The following CPEB4 variants were observed in gnomAD, a reference collection of about 807,000 sequenced individuals.
The protein encoded by CPEB4 is cytoplasmic polyadenylation element-binding protein 4.
In CPEB4, 12 loss-of-function variants were observed where a neutral mutation model predicts 72.5. The ratio of observed to expected loss-of-function variants is 0.17; its 90% CI spans 0.11 to 0.27. CPEB4 has a LOEUF of 0.27. Ranked by LOEUF, CPEB4 falls within the 10% of genes least tolerant of loss-of-function variation. The probability of loss-of-function intolerance (pLI) is 1.00; values close to 1 mark genes in which losing one functional copy is unlikely to be tolerated. For missense variants in CPEB4, 614 were observed against 908.5 expected (o/e 0.68, Z 4.17); for synonymous variants, 302 against 326.3 (o/e 0.93, Z 0.80).
intron 2 of CPEB4, among the ~76,000 whole-genome samples, 179 bp from the exon 3 acceptor site, chr5:173,932,271 C>T (rs892403880): frequency 1.3e-5 from 2 of 152,314 alleles, no homozygotes; most frequent in South Asian, 4.1e-4. Flanking sequence ...ATGAGAGATA[C>T]TTTCTTTTCC....
At position 173,888,771 on chromosome 5, in the gene CPEB4, C is replaced by T. The variant is rs145803277; in HGVS notation, c.-963C>T. ...CCTGGGTCCCATGAGGGAAAAAAAC[C>T]CCGGAGCCGCAGAGAGGGGAAGAGG... On this transcript the variant is annotated 5_prime_UTR_variant, in exon 1 of 10. Transcript: ENST00000265085. The surrounding 1 kb of genome is among the most constrained non-coding windows in gnomAD (Gnocchi z 4.3). 991 of 376,020 alleles carry T rather than the reference C, an allele frequency of 2.6e-3. 10 individuals carry two copies. The highest frequency in any genetic ancestry group is 0.019 in the African/African-American group (900 of 48,126). 23.3% of individuals were successfully genotyped at this position (376,020 alleles called of 1,614,324 possible).
At chr5:173,944,822 A>T in intron 4 of CPEB4, 145 bp from the exon 5 acceptor site, 1 of 663,998 alleles carries the variant, frequency 1.5e-6, no homozygotes, top group Non-Finnish European at 2.5e-6. Flanking sequence ...TGGGAATTCA[A>T]GAGTATAGCT....
At chr5:173,945,822 G>A (rs1156307279) in intron 5 of CPEB4, among the ~76,000 whole-genome samples, 2 of 152,200 alleles carry the variant, frequency 1.3e-5, no homozygotes, top group South Asian at 4.1e-4. Flanking sequence ...GCTGAGACCT[G>A]AATAAGGAGC....
intron 2 of CPEB4, among the ~76,000 whole-genome samples, chr5:173,915,468 C>T (rs574302559): frequency 2.0e-4 from 31 of 152,166 alleles, no homozygotes; most frequent in Middle Eastern, 3.4e-3. Context: ...TTTTTATCCG[C>T]GAAATTGTGT....
At chr5:173,949,018 A>G (rs1758129877) in intron 5 of CPEB4, among the ~76,000 whole-genome samples, 1 of 152,222 alleles carries the variant, frequency 6.6e-6, no homozygotes, top group Non-Finnish European at 1.5e-5. Context: ...GAAAGACAAG[A>G]AAGAACATGG....
rs1561615059 is a variant in CPEB4 at position 173,916,594 on chromosome 5, C to A, written c.1207+5990C>A. Among the ~76,000 whole-genome samples the A allele has an allele frequency of 3.3e-5, 5 of 152,300 alleles. No homozygotes were observed. In the South Asian group the frequency reaches 6.2e-4, roughly 19 times the overall value. On this transcript the variant is annotated intron_variant, in intron 2 of 9. Coordinates refer to ENST00000265085, the MANE Select transcript of CPEB4 (RefSeq NM_030627.4). ...GTGACCTTGCATTTTAAAACACTTT[C>A]ATATTTTTTCTTGCTTTATCTACGT...
At position 173,890,581 on chromosome 5, in the gene CPEB4, C is replaced by T. The variant is rs986061920; in HGVS notation, c.848C>T (p.Ser283Phe). Residue 283 changes from serine (S) to phenylalanine (F), a missense_variant, in exon 1 of 10, where the codon TCT becomes TTT. By Grantham distance (155) the Ser-to-Phe change is radical (BLOSUM62 -2). Transcript: ENST00000265085. Reference protein sequence around the residue: ...HLANNLNKPPSPWSSYQSPSP... With the variant: ...HLANNLNKPPFPWSSYQSPSP... Reference sequence around the variant, plus strand: ...GCGAATAATCTTAACAAACCCCCCTCTCCGTGGAGCAGCTACCAGAGTCCG... The same window carrying T: ...GCGAATAATCTTAACAAACCCCCCTTTCCGTGGAGCAGCTACCAGAGTCCG... 8 of 1,614,068 alleles carry T rather than the reference C, an allele frequency of 5.0e-6. No individual in the cohort carries two copies. In the Admixed American group the frequency reaches 1.2e-4, roughly 24 times the overall value.
rs1278347338 is a variant in CPEB4 at position 173,904,708 on chromosome 5, A to G, written c.1126-5815A>G. ...AGGAAGGATCACTTACTTGGTTTAT[A>G]GTAAGACTTGGGTTTGAATCTGACT... On this transcript the variant is annotated intron_variant, in intron 1 of 9. Transcript: ENST00000265085. Among the ~76,000 whole-genome samples, 3 of 75,780 alleles carry G rather than the reference A, an allele frequency of 4.0e-5. No homozygotes were observed. In the East Asian group the frequency reaches 1.5e-3, roughly 38 times the overall value. 49.7% of individuals were successfully genotyped at this position (75,780 alleles called of 152,430 possible). A position where few individuals can be genotyped will look rare whatever the true frequency, so the allele number is the denominator to read the frequency against.
At position 173,890,032 on chromosome 5, in the gene CPEB4, C is replaced by G. The variant is rs751316486; in HGVS notation, c.299C>G (p.Pro100Arg). The change falls in exon 1 of 10, where the codon CCA (proline) becomes CGA (arginine). Residue 100 changes from proline to arginine, a missense_variant. Physicochemically the swap from Pro to Arg is moderately radical, Grantham distance 103 (BLOSUM62 -2). Coordinates refer to ENST00000265085, the MANE Select transcript of CPEB4 (RefSeq NM_030627.4). ...PLEKQQLSPS[P>R]GQEAGILPET... ...GAAAAGCAGCAGCTTTCCCCAAGTC[C>G]AGGTCAGGAAGCTGGAATACTGCCT... 3 of 1,614,138 alleles carry G rather than the reference C, an allele frequency of 1.9e-6. No homozygotes were observed. The South Asian group carries it at 3.3e-5, about 18-fold the overall frequency.
chr5:173,899,123 C>T (rs1047285424), intron 1 of CPEB4, among the ~76,000 whole-genome samples: 7 of 152,216 alleles, frequency 4.6e-5, no homozygotes, highest in Admixed American at 3.3e-4. Flanking sequence ...ACCCCCTGAC[C>T]CATGTCTTCT....
At chr5:173,915,304 T>A (rs918052214) in intron 2 of CPEB4, among the ~76,000 whole-genome samples, 2 of 152,190 alleles carry the variant, frequency 1.3e-5, no homozygotes, top group African/African-American at 2.4e-5. Context: ...TAGGTTTTTT[T>A]ATAACTTATT....
chr5:173,920,493 G>C (rs1436460400), intron 2 of CPEB4, among the ~76,000 whole-genome samples: 1 of 152,214 alleles, frequency 6.6e-6, no homozygotes, highest in Admixed American at 6.5e-5. Flanking sequence ...CCAGCTGCCT[G>C]ATTTCTTTAT....
In CPEB4 at chr5:173,892,274, A is replaced by ATTTTTTTTTTTT. The variant is rs71820084; in HGVS notation, c.1125+1420_1125+1431dup. Among the ~76,000 whole-genome samples, 112 of 120,750 alleles carry ATTTTTTTTTTTT rather than the reference A, an allele frequency of 9.3e-4. 1 individual carries two copies. Among genetic ancestry groups the ATTTTTTTTTTTT allele is most frequent in the African/African-American group, 3.1e-3 (100 of 32,614 alleles). The allele number at this position is 120,750 out of a possible 152,430, so 79.2% of individuals were successfully genotyped here. On this transcript the variant is annotated intron_variant, in intron 1 of 9. Transcript: ENST00000265085. ...ATTTAGTTTTCGACTTCTAAAAACG[A>ATTTTTTTTTTTT]TTTTTTTTTTTTTTTGCCTATCAAA...
chr5:173,940,025 T>G (rs545765938), intron 3 of CPEB4, among the ~76,000 whole-genome samples: 112 of 150,736 alleles, frequency 7.4e-4, no homozygotes, highest in African/African-American at 2.5e-3. Flanking sequence ...GAAGAATTGC[T>G]TGAATCTGGG....
At chr5:173,943,105 T>A in intron 4 of CPEB4, 56 bp downstream of exon 4, 1 of 1,555,564 alleles carries the variant, frequency 6.4e-7, no homozygotes, top group Non-Finnish European at 8.8e-7. Flanking sequence ...CGACCCAAGC[T>A]TGTTTAATTT....
intron 1 of CPEB4, among the ~76,000 whole-genome samples, chr5:173,892,239 A>G (rs1178472795): frequency 6.9e-6 from 1 of 144,740 alleles, no homozygotes; most frequent in African/African-American, 2.6e-5. Context: ...ATCTTAAAAT[A>G]TGTGGGTATA....
At position 173,956,352 on chromosome 5, in the gene CPEB4, G is replaced by T; in HGVS notation, c.*215G>T. 1 of 456,468 alleles carries T rather than the reference G, an allele frequency of 2.2e-6. No individual in the cohort carries two copies. Among genetic ancestry groups the T allele is most frequent in the Non-Finnish European group, 3.9e-6 (1 of 257,334 alleles). The allele number at this position is 456,468 out of a possible 1,614,324, so 28.3% of individuals were successfully genotyped here. On this transcript the variant is annotated 3_prime_UTR_variant, in exon 10 of 10. Coordinates refer to ENST00000265085, the MANE Select transcript of CPEB4 (RefSeq NM_030627.4). ...AACTCCTTTTTCGTATTGCCATCGGGTTGCATGGAAGTTTTATTCTCTTGT... is the reference window on the plus strand; with the variant it reads ...AACTCCTTTTTCGTATTGCCATCGGTTTGCATGGAAGTTTTATTCTCTTGT...
At chr5:173,912,491 G>C (rs1449696641) in intron 2 of CPEB4, among the ~76,000 whole-genome samples, 3 of 152,064 alleles carry the variant, frequency 2.0e-5, no homozygotes, top group African/African-American at 7.2e-5. Flanking sequence ...AGCACTTTGG[G>C]AGGTAAAGGA....
chr5:173,905,023 AT>A (rs1170533617), intron 1 of CPEB4, among the ~76,000 whole-genome samples: 3 of 144,204 alleles, frequency 2.1e-5, no homozygotes, highest in African/African-American at 7.5e-5. Flanking sequence ...TAATAAAAAA[AT>A]GTAACTTAGA....
Sources: gnomAD v4.1 joint callset for allele counts (sites outside exome capture counted in the v4.1 genomes callset) on GRCh38, gnomAD v4.1.1 for gene constraint, Gnocchi (gnomAD v3.1) non-coding constraint, MANE v1.5 for transcripts, NCBI Gene and HGNC (gene_info 2026-07-23, HGNC 2026-07-21) for gene names.